The following CLSTN1 variants were observed in gnomAD, a reference collection of about 807,000 sequenced individuals.
CLSTN1 encodes the protein calsyntenin 1.
A neutral mutation model predicts 108.3 loss-of-function variants in CLSTN1; 28 were observed. That is an observed-to-expected ratio of 0.26 (90% CI 0.19 to 0.35). The LOEUF (loss-of-function observed/expected upper bound fraction) is 0.35, where lower values mean the gene tolerates loss of function less well. CLSTN1 is among the 10% of genes least tolerant of loss of function. The probability of loss-of-function intolerance (pLI) is 1.00; values close to 1 mark genes in which losing one functional copy is unlikely to be tolerated. For missense variants in CLSTN1, 1,157 were observed against 1,302.6 expected (o/e 0.89, Z 1.72); for synonymous variants, 524 against 534.9 (o/e 0.98, Z 0.28).
chr1:9,780,856 G>C (rs1321178212), intron 1 of CLSTN1: 3 of 261,780 alleles, frequency 1.1e-5, no homozygotes, highest in Non-Finnish European at 2.1e-5. Flanking sequence ...GCCATGGCGA[G>C]TAGCCGTGGC....
At chr1:9,753,300 CCTG>C (rs1651646462) in intron 4 of CLSTN1, among the ~76,000 whole-genome samples, 1 of 152,126 alleles carries the variant, frequency 6.6e-6, no homozygotes, top group Non-Finnish European at 1.5e-5. Flanking sequence ...CTGTTGACCT[CCTG>C]CTGTGTGGCC....
intron 1 of CLSTN1, among the ~76,000 whole-genome samples, chr1:9,776,115 G>A (rs1307486888): frequency 6.6e-6 from 1 of 152,016 alleles, no homozygotes; most frequent in African/African-American, 2.4e-5. Flanking sequence ...TGGGACTACA[G>A]GCGCTCACCA....
chr1:9,744,356 C>A (rs769673902), intron 8 of CLSTN1, 39 bp downstream of exon 8: 1 of 1,575,848 alleles, frequency 6.3e-7, no homozygotes, highest in African/African-American at 1.3e-5. Flanking sequence ...CCCTACTGGA[C>A]ACTGGGGCCT....
chr1:9,807,367 C>A lies in CLSTN1; in HGVS notation c.91+16276G>T, dbSNP rs547759217. On this transcript the variant is annotated intron_variant, in intron 1 of 18. Coordinates refer to ENST00000377298, the MANE Select transcript of CLSTN1 (RefSeq NM_001009566.3). ...GGACTACGTCACCATTATTTACAAACGACAACTTCTAGCAAAGATAATATT... is the reference window on the plus strand; with the variant it reads ...GGACTACGTCACCATTATTTACAAAAGACAACTTCTAGCAAAGATAATATT... 9.6e-4 allele frequency among the ~76,000 whole-genome samples: 146 copies of A among 152,158 alleles called. 1 individual carries two copies. The highest frequency in any genetic ancestry group is 3.4e-3 in the African/African-American group (143 of 41,526).
At chr1:9,775,136 G>T (rs1307096888) in intron 1 of CLSTN1, among the ~76,000 whole-genome samples, 1 of 152,100 alleles carries the variant, frequency 6.6e-6, no homozygotes, top group African/African-American at 2.4e-5. Context: ...TGTTTTATAA[G>T]CAAGGTCTTT....
rs1651756691 is a variant in CLSTN1, at chr1:9,755,301, A to G, written c.253T>C (p.Cys85Arg). 6.2e-7 allele frequency: 1 copy of G among 1,611,874 alleles called. No individual in the cohort carries two copies. Among genetic ancestry groups the G allele is most frequent in the Non-Finnish European group, 8.5e-7 (1 of 1,178,286 alleles). Residue 85 changes from cysteine to arginine, a missense_variant, in exon 4 of 19, where the codon TGT becomes CGT. Transcript: ENST00000377298. ...EVTVTKEGEI[C>R]GFKIHGQNVP... ...TTCTGCCCGTGAATTTTAAATCCACAAATCTCACCTAGGGAGTCAAAGCAG... is the reference window on the plus strand; with the variant it reads ...TTCTGCCCGTGAATTTTAAATCCACGAATCTCACCTAGGGAGTCAAAGCAG...
chr1:9,737,262 G>C lies in CLSTN1; in HGVS notation c.1576+236C>G, dbSNP rs201383612. 4.2e-3 allele frequency among the ~76,000 whole-genome samples: 638 copies of C among 152,228 alleles called. 12 individuals are homozygous for C. The East Asian group carries it at 0.043, about 10-fold the overall frequency. On this transcript the variant is annotated intron_variant, in intron 11 of 18. Coordinates refer to ENST00000377298, the MANE Select transcript of CLSTN1 (RefSeq NM_001009566.3). ...TGGGGTCAGGGTCAAACTGGATGGG[G>C]GGGGAAGTCCCATGCATGCACTGCC...
chr1:9,788,130 C>A (rs1307331612), intron 1 of CLSTN1, among the ~76,000 whole-genome samples: 2 of 151,456 alleles, frequency 1.3e-5, no homozygotes, highest in Admixed American at 1.3e-4. Flanking sequence ...TGGTGCCACA[C>A]TTGTAGTCCC....
chr1:9,792,213 C>A (rs76884273), intron 1 of CLSTN1, among the ~76,000 whole-genome samples: 8,402 of 150,110 alleles, frequency 0.056, 431 homozygotes, highest in African/African-American at 0.13. Context: ...ACAACAACAA[C>A]AAAAAAAACA....
chr1:9,789,893 C>T (rs1169025832), intron 1 of CLSTN1, among the ~76,000 whole-genome samples: 4 of 151,310 alleles, frequency 2.6e-5, no homozygotes, highest in African/African-American at 7.3e-5. Flanking sequence ...GTGGGAGAAT[C>T]GCTTGAGCCT....
intron 5 of CLSTN1, 171 bp from the exon 6 acceptor site, chr1:9,750,084 A>G: frequency 1.7e-6 from 1 of 589,450 alleles, no homozygotes; most frequent in South Asian, 2.0e-5. Context: ...GAGCCCTAAC[A>G]CGCACTAAAT....
chr1:9,794,529 G>A (rs951829133), intron 1 of CLSTN1, among the ~76,000 whole-genome samples: 4 of 151,132 alleles, frequency 2.6e-5, no homozygotes, highest in South Asian at 4.4e-4. Flanking sequence ...TGCTGGTCTC[G>A]AACTCCTGGC....
intron 1 of CLSTN1, among the ~76,000 whole-genome samples, chr1:9,774,447 TC>T (rs1652839990): frequency 6.6e-6 from 1 of 151,630 alleles, no homozygotes; most frequent in Non-Finnish European, 1.5e-5. Flanking sequence ...ACACCTGTAA[TC>T]CCAGCTACTC....
At chr1:9,787,852 T>C (rs1653567631) in intron 1 of CLSTN1, among the ~76,000 whole-genome samples, 2 of 151,394 alleles carry the variant, frequency 1.3e-5, no homozygotes, top group African/African-American at 4.8e-5. Context: ...CTAGAACTTC[T>C]TTCATCTTGC....
At chr1:9,741,728 A>G (rs1429159415) in intron 9 of CLSTN1, among the ~76,000 whole-genome samples, 3 of 152,214 alleles carry the variant, frequency 2.0e-5, no homozygotes, top group African/African-American at 7.2e-5. Context: ...CCTGGCCAAC[A>G]TATCGAAACC....
intron 11 of CLSTN1, among the ~76,000 whole-genome samples, chr1:9,736,255 G>A (rs1650685835): frequency 1.3e-5 from 2 of 152,234 alleles, no homozygotes; most frequent in South Asian, 4.1e-4. Flanking sequence ...GAGAAAGGGA[G>A]AGTTGGGGGT....
intron 2 of CLSTN1, 27 bp downstream of exon 2, chr1:9,773,245 A>T (rs745544800): frequency 3.7e-6 from 6 of 1,613,330 alleles, no homozygotes; most frequent in Non-Finnish European, 5.1e-6. Flanking sequence ...CCGATTCATC[A>T]AGAGTCAATG....
chr1:9,776,946 AGT>A (rs1373096582), intron 1 of CLSTN1, among the ~76,000 whole-genome samples: 1 of 152,006 alleles, frequency 6.6e-6, no homozygotes, highest in Non-Finnish European at 1.5e-5. Flanking sequence ...GTCCAGGAGC[AGT>A]GTCTCATGCC....
Position 9,809,699 on chromosome 1 carries a change from G to A in CLSTN1, c.91+13944C>T, listed in dbSNP as rs138871404. 1.8e-3 allele frequency among the ~76,000 whole-genome samples: 274 copies of A among 151,980 alleles called. 3 individuals are homozygous for A. The highest frequency in any genetic ancestry group is 6.3e-3 in the African/African-American group (261 of 41,474). On this transcript the variant is annotated intron_variant, in intron 1 of 18. Coordinates refer to ENST00000377298, the MANE Select transcript of CLSTN1 (RefSeq NM_001009566.3). Reference sequence around the variant, plus strand: ...AGGTGGATCATGAGGTCAAGAGTTCGAGACCAACCTGGCCAACATGGTAAA... The same window carrying A: ...AGGTGGATCATGAGGTCAAGAGTTCAAGACCAACCTGGCCAACATGGTAAA...
Sources: allele counts gnomAD v4.1 joint callset (sites outside exome capture counted in the v4.1 genomes callset), GRCh38; gene constraint gnomAD v4.1.1; transcripts MANE v1.5; gene names NCBI Gene and HGNC (gene_info 2026-07-23, HGNC 2026-07-21).